Variants in METTL25 observed in about 807,000 individuals in gnomAD.
The protein encoded by METTL25 is methyltransferase like 25.
In METTL25, 64 loss-of-function variants were observed where a neutral mutation model predicts 71.6. That is an observed-to-expected ratio of 0.89 (90% CI 0.73 to 1.10). The LOEUF (loss-of-function observed/expected upper bound fraction) is 1.10. Among genes scored for constraint, METTL25 ranks in the 50% least tolerant of loss-of-function variants. METTL25 has a pLI of 0.00. For synonymous variants in METTL25, 287 were observed against 250.3 expected, an observed-to-expected ratio of 1.15 and a Z score of -1.38; for missense variants, 807 against 707.0, an observed-to-expected ratio of 1.14 and a Z score of -1.60.
At position 82,358,616 on chromosome 12, in the gene METTL25, T is replaced by C. The variant is rs558763089; in HGVS notation, c.51T>C (p.Arg17=). The change falls in exon 1 of 12, where the codon CGT becomes CGC. Residue 17 remains arginine (R), a synonymous_variant. Coordinates refer to ENST00000248306, the MANE Select transcript of METTL25 (RefSeq NM_032230.3). ...TGACCCCGGACCTGCCCACGCTGCG[T>C]GCCAAGTTGCAGGGACTGCTGCAGT... ...LPVTPDLPTL[R]AKLQGLLQFL... 6.2e-7 allele frequency: 1 copy of C among 1,613,826 alleles called. No individual in the cohort carries two copies. Among genetic ancestry groups the C allele is most frequent in the African/African-American group, 1.3e-5 (1 of 75,062 alleles).
At chr12:82,402,772 G>A (rs1592660603) in intron 4 of METTL25, among the ~76,000 whole-genome samples, 1 of 152,056 alleles carries the variant, frequency 6.6e-6, no homozygotes, top group East Asian at 1.9e-4. Context: ...GGTACAATGT[G>A]CTTGTAGTCC....
intron 2 of METTL25, 57 bp downstream of exon 2, chr12:82,387,024 T>C: frequency 1.5e-6 from 2 of 1,351,842 alleles, no homozygotes; most frequent in Non-Finnish European, 2.0e-6. Flanking sequence ...AGCAATACTT[T>C]GTTCATATAT....
rs780718019 is a variant in METTL25 at position 82,456,776 on chromosome 12, T to C, written c.1528T>C (p.Tyr510His). ...IYSKCSSFLDYVRRSLKKLGL... is the reference protein window; with the variant it reads ...IYSKCSSFLDHVRRSLKKLGL... ...TTCCAAATGTTCTTCTTTTCTGGAT[T>C]ATGTCAGACGGTCTCTAAAGAAGCT... The change falls in exon 9 of 12, where the codon TAT (tyrosine) becomes CAT (histidine). Residue 510 changes from tyrosine to histidine, a missense_variant. By Grantham distance (83) the Tyr-to-His change is moderately conservative. Transcript: ENST00000248306. 3.1e-6 allele frequency: 5 copies of C among 1,604,228 alleles called. No homozygotes were observed. The Admixed American group carries it at 5.1e-5, about 16-fold the overall frequency.
At chr12:82,473,737 C>T (rs574750372) in intron 9 of METTL25, among the ~76,000 whole-genome samples, 3 of 152,196 alleles carry the variant, frequency 2.0e-5, no homozygotes, top group South Asian at 2.1e-4. Context: ...GGAGAGGGCA[C>T]GCAGCAATTT....
At chr12:82,428,360 C>A (rs1353638408) in intron 5 of METTL25, among the ~76,000 whole-genome samples, 2 of 151,582 alleles carry the variant, frequency 1.3e-5, no homozygotes, top group African/African-American at 4.9e-5. Flanking sequence ...TAGTAATAAA[C>A]CAGTTTGAAT....
chr12:82,435,709 T>G (rs1889866945), intron 7 of METTL25, among the ~76,000 whole-genome samples: 1 of 151,390 alleles, frequency 6.6e-6, no homozygotes, highest in Non-Finnish European at 1.5e-5. Context: ...AATAATACCT[T>G]CCTATAGGGT....
chr12:82,417,891 A>G (rs1213302633), intron 5 of METTL25, among the ~76,000 whole-genome samples: 1 of 152,156 alleles, frequency 6.6e-6, no homozygotes, highest in Non-Finnish European at 1.5e-5. Context: ...CAAGCCATGC[A>G]GCTGTCTTGG....
chr12:82,467,623 C>CTA (rs1892316547), intron 9 of METTL25, among the ~76,000 whole-genome samples: 1 of 152,008 alleles, frequency 6.6e-6, no homozygotes, highest in African/African-American at 2.4e-5. Context: ...CTTTCCTGTC[C>CTA]TATAAGCTTT....
chr12:82,375,432 G>A lies in METTL25; in HGVS notation c.260-11371G>A, dbSNP rs371735882. Among the ~76,000 whole-genome samples the A allele has an allele frequency of 6.6e-4, 37 of 56,160 alleles. 2 individuals are homozygous for A. Among genetic ancestry groups the A allele is most frequent in the African/African-American group, 2.6e-3 (36 of 14,116 alleles). The allele number at this position is 56,160 out of a possible 152,430, so 36.8% of individuals were successfully genotyped here. A position where few individuals can be genotyped will look rare whatever the true frequency, so the allele number is the denominator to read the frequency against. ...TTGTTCTTGGACTTCCCAGCCTCTAGAGCTGTGAGGAAAAAAAAAAATATA... is the reference window on the plus strand; with the variant it reads ...TTGTTCTTGGACTTCCCAGCCTCTAAAGCTGTGAGGAAAAAAAAAAATATA... On this transcript the variant is annotated intron_variant, in intron 1 of 11. Transcript: ENST00000248306.
intron 1 of METTL25, among the ~76,000 whole-genome samples, chr12:82,367,548 C>A (rs946213740): frequency 6.6e-6 from 1 of 152,166 alleles, no homozygotes; most frequent in African/African-American, 2.4e-5. Context: ...TGCTCTTTTT[C>A]ATTCCCATAG....
chr12:82,407,902 T>A, intron 5 of METTL25: 1 of 984,820 alleles, frequency 1.0e-6, no homozygotes, highest in Non-Finnish European at 1.2e-6. Context: ...TTTCCAACAC[T>A]CCATCTCCAT....
intron 9 of METTL25, among the ~76,000 whole-genome samples, chr12:82,467,195 A>G (rs1311683164): frequency 1.3e-5 from 2 of 151,298 alleles, no homozygotes; most frequent in Non-Finnish European, 2.9e-5. Context: ...ATTTACATTC[A>G]GGGTTATTAT....
chr12:82,398,762 A>T, intron 3 of METTL25, 33 bp from the exon 4 acceptor site: 11 of 1,388,060 alleles, frequency 7.9e-6, no homozygotes, highest in Non-Finnish European at 1.0e-5. Context: ...TTTGCCTAAA[A>T]TTCTTTAATT....
At chr12:82,423,652 G>A (rs534753017) in intron 5 of METTL25, among the ~76,000 whole-genome samples, 1 of 152,082 alleles carries the variant, frequency 6.6e-6, no homozygotes, top group Non-Finnish European at 1.5e-5. Flanking sequence ...ATCTGACAAA[G>A]GGCTAATATC....
chr12:82,397,591 A>G (rs1399399677), intron 3 of METTL25, among the ~76,000 whole-genome samples: 1 of 151,836 alleles, frequency 6.6e-6, no homozygotes, highest in Non-Finnish European at 1.5e-5. Context: ...TACATCTCTG[A>G]TATACTTTTA....
chr12:82,430,264 A>G (rs1037236349), intron 5 of METTL25, among the ~76,000 whole-genome samples: 8 of 151,362 alleles, frequency 5.3e-5, no homozygotes, highest in African/African-American at 7.3e-5. Flanking sequence ...ATGTGTAACT[A>G]TAAGTTGAGC....
At chr12:82,358,909 A>T in intron 1 of METTL25, 85 bp downstream of exon 1, 1 of 1,500,816 alleles carries the variant, frequency 6.7e-7, no homozygotes, top group Non-Finnish European at 9.0e-7. Flanking sequence ...GGAAGCCAGC[A>T]GAACCAGGTG....
chr12:82,407,115 T>G (rs778888148), intron 5 of METTL25, among the ~76,000 whole-genome samples: 6 of 152,192 alleles, frequency 3.9e-5, no homozygotes, highest in African/African-American at 7.2e-5. Context: ...CTCCATAATC[T>G]GTTTTCCAAA....
intron 1 of METTL25, among the ~76,000 whole-genome samples, chr12:82,370,742 TTC>T (rs1883139880): frequency 6.6e-6 from 1 of 151,974 alleles, no homozygotes; most frequent in African/African-American, 2.4e-5. Context: ...GTCTCTCTCT[TTC>T]TCTCTCTGTC....
Sources: gnomAD v4.1 joint callset for allele counts (sites outside exome capture counted in the v4.1 genomes callset) on GRCh38, gnomAD v4.1.1 for gene constraint, MANE v1.5 for transcripts, NCBI Gene and HGNC (gene_info 2026-07-23, HGNC 2026-07-21) for gene names.